The following LPP variants were observed in gnomAD, a reference collection of about 807,000 sequenced individuals.
LPP encodes LIM domain containing preferred translocation partner in lipoma, also known as lipoma-preferred partner.
In LPP, 38 loss-of-function variants were observed where a neutral mutation model predicts 60.4. The ratio of observed to expected loss-of-function variants is 0.63; its 90% CI spans 0.49 to 0.83. The LOEUF is 0.83. LPP is among the 40% of genes least tolerant of loss of function. The pLI, the probability that LPP is intolerant of heterozygous loss-of-function variation, is 0.00. For missense variants in LPP, 902 were observed against 783.6 expected, an observed-to-expected ratio of 1.15 and a Z score of -1.80; for synonymous variants, 328 against 290.8, an observed-to-expected ratio of 1.13 and a Z score of -1.30.
chr3:188,640,026 C>A (rs1849723865), intron 7 of LPP, among the ~76,000 whole-genome samples: 1 of 151,838 alleles, frequency 6.6e-6, no homozygotes, highest in South Asian at 2.1e-4. Context: ...GGGTATATAC[C>A]CAAAGGACTA....
intron 2 of LPP, among the ~76,000 whole-genome samples, chr3:188,248,497 T>TATATATATATATATATATAC (rs1288280759): frequency 9.9e-5 from 14 of 140,714 alleles, no homozygotes; most frequent in South Asian, 6.9e-4. Flanking sequence ...TATATATATA[T>TATATATATATATATATATAC]ACAGTCAGCA....
At chr3:188,202,157 A>G (rs1265336515) in intron 1 of LPP, among the ~76,000 whole-genome samples, 1 of 151,930 alleles carries the variant, frequency 6.6e-6, no homozygotes, top group African/African-American at 2.4e-5. Flanking sequence ...GAGAGCAGAA[A>G]CGTAGCCTCG....
rs367702147 is a variant in LPP at position 188,574,653 on chromosome 3, T to C, written c.430-34508T>C. Among the ~76,000 whole-genome samples, 26 of 152,234 alleles carry C rather than the reference T, an allele frequency of 1.7e-4. No individual in the cohort carries two copies. In the South Asian group the frequency reaches 5.4e-3, roughly 32 times the overall value. The stretch of plus-strand genomic sequence containing the variant: ...GCTGCTTGTTGCCTGAAAGTTGTTC[T>C]GTCAGTGTGAGCACAGGTGTAAGTA... On this transcript the variant is annotated intron_variant, in intron 6 of 11. Transcript: ENST00000617246.
Position 188,166,703 on chromosome 3 carries a change from G to T in LPP, c.-190+12451G>T, listed in dbSNP as rs80179595. ...CAATGCCAGATTCTTCCTGTTCCCT[G>T]CCTGTGCAGATCTCTGAGTCCGGCT... On this transcript the variant is annotated intron_variant, in intron 1 of 11. Transcript: ENST00000617246. 1.6e-3 allele frequency among the ~76,000 whole-genome samples: 245 copies of T among 152,298 alleles called. 1 individual carries two copies. Among genetic ancestry groups the T allele is most frequent in the African/African-American group, 5.7e-3 (236 of 41,548 alleles).
intron 7 of LPP, among the ~76,000 whole-genome samples, chr3:188,613,530 G>T (rs1434083135): frequency 1.3e-5 from 2 of 152,082 alleles, no homozygotes; most frequent in Non-Finnish European, 2.9e-5. Context: ...AAGTGCTGGG[G>T]CTGTGCATTC....
At chr3:188,240,276 T>G (rs972588405) in intron 2 of LPP, 8 of 170,798 alleles carry the variant, frequency 4.7e-5, no homozygotes, top group Non-Finnish European at 1.0e-4. Flanking sequence ...GGAACATGGG[T>G]AGGAATAGCT....
intron 9 of LPP, among the ~76,000 whole-genome samples, chr3:188,863,147 A>G (rs912462044): frequency 6.6e-6 from 1 of 152,208 alleles, no homozygotes; most frequent in Non-Finnish European, 1.5e-5. Context: ...TATTTCTGAT[A>G]ATGTAAACAT....
At chr3:188,617,317 G>A (rs1008905462) in intron 7 of LPP, among the ~76,000 whole-genome samples, 4 of 152,194 alleles carry the variant, frequency 2.6e-5, no homozygotes, top group Non-Finnish European at 4.4e-5. Flanking sequence ...ATGACCTCAT[G>A]TGAATGCAAA....
Position 188,875,883 on chromosome 3 carries a change from T to C in LPP, c.*1404T>C, listed in dbSNP as rs1229209275. On this transcript the variant is annotated 3_prime_UTR_variant, in exon 12 of 12. Coordinates refer to ENST00000617246, the MANE Select transcript of LPP (RefSeq NM_001375462.1). The stretch of plus-strand genomic sequence containing the variant: ...AGCTTAGTCATGGCAAGTTGCCATT[T>C]TGTAAACTAAGGATTTTGGACTGAG... 4 of 189,050 alleles carry C rather than the reference T, an allele frequency of 2.1e-5. No individual in the cohort carries two copies. Among genetic ancestry groups the C allele is most frequent in the Non-Finnish European group, 4.5e-5 (4 of 89,712 alleles). 11.7% of individuals were successfully genotyped at this position (189,050 alleles called of 1,614,324 possible).
At chr3:188,831,072 T>TG (rs1757020253) in intron 9 of LPP, among the ~76,000 whole-genome samples, 1 of 152,184 alleles carries the variant, frequency 6.6e-6, no homozygotes, top group South Asian at 2.1e-4. Context: ...AGCTAATCTG[T>TG]GGGGGGATGC....
At chr3:188,310,874 C>T (rs908460353) in intron 2 of LPP, among the ~76,000 whole-genome samples, 5 of 152,058 alleles carry the variant, frequency 3.3e-5, no homozygotes, top group Admixed American at 3.3e-4. Flanking sequence ...AGAGAGCCAA[C>T]ATTGATTGAA....
intron 6 of LPP, among the ~76,000 whole-genome samples, chr3:188,527,895 AGT>A (rs902928790): frequency 3.0e-4 from 46 of 152,094 alleles, no homozygotes; most frequent in African/African-American, 9.4e-4. Flanking sequence ...GGATAGCAAC[AGT>A]GTTTCTGGCT....
intron 1 of LPP, among the ~76,000 whole-genome samples, chr3:188,185,474 G>C (rs1401444845): frequency 6.6e-6 from 1 of 151,580 alleles, no homozygotes; most frequent in Non-Finnish European, 1.5e-5. Context: ...ATACCCCACA[G>C]TTTATAGAGT....
intron 1 of LPP, among the ~76,000 whole-genome samples, chr3:188,173,472 C>T (rs937568109): frequency 1.1e-4 from 17 of 151,846 alleles, no homozygotes; most frequent in Non-Finnish European, 2.1e-4. Context: ...CCATTGTACT[C>T]CAGCCTGGGC....
At chr3:188,498,424 A>G (rs1346824360) in intron 5 of LPP, among the ~76,000 whole-genome samples, 1 of 152,188 alleles carries the variant, frequency 6.6e-6, no homozygotes, top group African/African-American at 2.4e-5. Flanking sequence ...TCACGAGCAC[A>G]TGGTAAAATT....
In LPP at chr3:188,406,260, C is replaced by T. The variant is rs779459494; in HGVS notation, c.140C>T (p.Pro47Leu). The stretch of plus-strand genomic sequence containing the variant: ...CAACAGCCACCCAAAAAGTTTGCCC[C>T]GGTAGTTGCTCCAAAACCTAAGTAC... Reference protein sequence around the residue: ...STQQPPKKFAPVVAPKPKYNP... With the variant: ...STQQPPKKFALVVAPKPKYNP... Residue 47 changes from proline to leucine, a missense_variant, in exon 4 of 12, where the codon CCG becomes CTG. Pro to Leu is a moderately conservative substitution (Grantham distance 98). Transcript: ENST00000617246. 67 of 1,613,980 alleles carry T rather than the reference C, an allele frequency of 4.2e-5. No homozygotes were observed. Among genetic ancestry groups the T allele is most frequent in the Non-Finnish European group, 5.3e-5 (62 of 1,180,008 alleles).
At chr3:188,316,112 A>C (rs1047166332) in intron 2 of LPP, among the ~76,000 whole-genome samples, 1 of 152,020 alleles carries the variant, frequency 6.6e-6, no homozygotes, top group African/African-American at 2.4e-5. Context: ...GATCTCTACT[A>C]AAAAAATACA....
chr3:188,538,573 T>C (rs1342064780), intron 6 of LPP, among the ~76,000 whole-genome samples: 1 of 152,204 alleles, frequency 6.6e-6, no homozygotes, highest in East Asian at 1.9e-4. Flanking sequence ...GAAAACATCA[T>C]ACGTTGCTGG....
chr3:188,607,387 ATATATATATATATATATATATATATATAT>A (rs1352786120), intron 6 of LPP, among the ~76,000 whole-genome samples: 2 of 21,696 alleles, frequency 9.2e-5, no homozygotes, highest in African/African-American at 4.0e-4. Context: ...ATATATATAT[ATATATATATATATATATATATATATATAT>A]AATTTTTTTT....
Sources: allele counts gnomAD v4.1 joint callset (sites outside exome capture counted in the v4.1 genomes callset), GRCh38; gene constraint gnomAD v4.1.1; transcripts MANE v1.5; gene names NCBI Gene and HGNC (gene_info 2026-07-23, HGNC 2026-07-21).